BEAN1: variants seen among roughly 807,000 people sequenced by gnomAD.
BEAN1 encodes protein BEAN1.
A neutral mutation model predicts 17.7 loss-of-function variants in BEAN1; 17 were observed. The ratio of observed to expected loss-of-function variants is 0.96; its 90% CI spans 0.66 to 1.44. The LOEUF is 1.44. Ranked by LOEUF, BEAN1 falls within the 40% of genes most tolerant of loss-of-function variation. The probability of loss-of-function intolerance (pLI) is 0.00; values close to 1 mark genes in which losing one functional copy is unlikely to be tolerated. For missense variants in BEAN1, 359 were observed against 374.1 expected, an observed-to-expected ratio of 0.96 and a Z score of 0.33; for synonymous variants, 142 against 151.8, an observed-to-expected ratio of 0.94 and a Z score of 0.47.
At chr16:66,454,913 G>C (rs1015543660) in intron 2 of BEAN1, among the ~76,000 whole-genome samples, 1 of 152,012 alleles carries the variant, frequency 6.6e-6, no homozygotes, top group Non-Finnish European at 1.5e-5. Flanking sequence ...GAGCTGGTGG[G>C]GAGGGGTATG....
rs774079713 is a variant in BEAN1, at chr16:66,490,218, T to TAA, written c.148-2716_148-2715dup. On this transcript the variant is annotated intron_variant, in intron 4 of 4. Coordinates refer to the BEAN1 transcript ENST00000561796. The stretch of plus-strand genomic sequence containing the variant: ...CAACATGGTGAAATCCCATCTCTAC[T>TAA]AAAAAAAAAAAAAAAAAAAAAAAAA... Among the ~76,000 whole-genome samples the TAA allele has an allele frequency of 3.4e-3, 149 of 43,626 alleles. 4 individuals are homozygous for TAA. Among genetic ancestry groups the TAA allele is most frequent in the East Asian group, 0.016 (23 of 1,474 alleles). The allele number at this position is 43,626 out of a possible 152,430, so 28.6% of individuals were successfully genotyped here.
chr16:66,437,553 CG>C, intron 1 of BEAN1, 41 bp from the exon 2 acceptor site: 1 of 1,179,510 alleles, frequency 8.5e-7, no homozygotes, highest in Non-Finnish European at 1.2e-6. Context: ...GCTGTGGGTG[CG>C]CCATGGGCCC....
chr16:66,437,284 T>C (rs2079312105), intron 1 of BEAN1, among the ~76,000 whole-genome samples: 1 of 151,824 alleles, frequency 6.6e-6, no homozygotes, highest in African/African-American at 2.4e-5. Context: ...CAGTGGGATC[T>C]CACATTTTCA....
At chr16:66,478,418 C>T (rs1348304808) in intron 4 of BEAN1, among the ~76,000 whole-genome samples, 8 of 151,458 alleles carry the variant, frequency 5.3e-5, no homozygotes, top group Non-Finnish European at 2.9e-5. Flanking sequence ...CTGGCTAACA[C>T]GGTGAAACCC....
chr16:66,428,757 A>T (rs1005605481), intron 1 of BEAN1, among the ~76,000 whole-genome samples: 4 of 152,184 alleles, frequency 2.6e-5, no homozygotes, highest in Non-Finnish European at 4.4e-5. Flanking sequence ...CAGCACCAGT[A>T]GATGCTGAGA....
At position 66,491,202 on chromosome 16, in the gene BEAN1, G is replaced by C. The variant is rs372670712; in HGVS notation, c.148-1760G>C. ...GGGCCAGGTGGCTCCTGGGCAGGAG[G>C]GCCCCTCCATGGCTCTGTCTGCCAG... On this transcript the variant is annotated intron_variant, in intron 4 of 4. Transcript: ENST00000561796. Among the ~76,000 whole-genome samples, 137 of 152,314 alleles carry C rather than the reference G, an allele frequency of 9.0e-4. 1 individual carries two copies. The highest frequency in any genetic ancestry group is 4.1e-3 in the South Asian group (20 of 4,828).
chr16:66,489,822 G>A (rs1409112065), intron 4 of BEAN1, among the ~76,000 whole-genome samples: 1 of 152,068 alleles, frequency 6.6e-6, no homozygotes, highest in Non-Finnish European at 1.5e-5. Context: ...GAACTATCAC[G>A]GTGCTACTCC....
intron 1 of BEAN1, among the ~76,000 whole-genome samples, chr16:66,433,432 G>T (rs1961884518): frequency 6.6e-6 from 1 of 152,100 alleles, no homozygotes. Flanking sequence ...ATAAACACTT[G>T]AACCAGTGAT....
At chr16:66,484,590 G>A, downstream of BEAN1, 1 of 454,170 alleles carries the variant, frequency 2.2e-6, no homozygotes, top group Non-Finnish European at 4.4e-6. This position sits in a 1 kb window ranked among gnomAD's most constrained non-coding sequence, Gnocchi z 4.2. Flanking sequence ...ACAGGACGAT[G>A]GAGACAGGGG....
intron 1 of BEAN1, chr16:66,428,314 G>T (rs770171885): frequency 1.3e-5 from 2 of 152,562 alleles, no homozygotes; most frequent in African/African-American, 4.8e-5. Context: ...CGGGGCGCAG[G>T]CTGGGAAAGG....
downstream of BEAN1, chr16:66,484,892 C>A: frequency 2.2e-6 from 1 of 454,134 alleles, no homozygotes; most frequent in South Asian, 1.6e-5. The surrounding 1 kb of genome is among the most constrained non-coding windows in gnomAD (Gnocchi z 4.2). Context: ...AATGTTCATT[C>A]CTGCCCCTTG....
chr16:66,484,906 A>G, downstream of BEAN1: 1 of 454,082 alleles, frequency 2.2e-6, no homozygotes, highest in South Asian at 1.6e-5. This position sits in a 1 kb window ranked among gnomAD's most constrained non-coding sequence, Gnocchi z 4.2. Flanking sequence ...CCCCTTGTGG[A>G]GGCCAAATGG....
At chr16:66,462,092 A>T (rs547699452) in intron 2 of BEAN1, among the ~76,000 whole-genome samples, 1 of 152,344 alleles carries the variant, frequency 6.6e-6, no homozygotes, top group East Asian at 1.9e-4. Context: ...AATGTCTGCC[A>T]TTGGCATAGA....
chr16:66,469,822 T>C lies in BEAN1; in HGVS notation c.246T>C (p.His82=), dbSNP rs201618286. The C allele has an allele frequency of 6.5e-7, 1 of 1,530,250 alleles. No individual in the cohort carries two copies. The highest frequency in any genetic ancestry group is 8.7e-7 in the Non-Finnish European group (1 of 1,143,528). 94.8% of individuals were successfully genotyped at this position (1,530,250 alleles called of 1,614,324 possible). ...HRHHRHHHHH[H]HHRRRRHREY... ...ACCACCGCCACCACCACCACCATCA[T>C]CACCACCGCCGGCGTCGACACCGAG... is the stretch of plus-strand genomic sequence containing the variant. Residue 82 remains histidine, a synonymous_variant, in exon 3 of 5, where the codon CAT becomes CAC. Transcript: ENST00000536005.
At chr16:66,462,441 A>T (rs1362126536) in intron 2 of BEAN1, among the ~76,000 whole-genome samples, 1 of 152,226 alleles carries the variant, frequency 6.6e-6, no homozygotes, top group African/African-American at 2.4e-5. Context: ...GTCACCCAAC[A>T]AATATTTAAT....
rs192445317 is a variant in BEAN1 at position 66,481,864 on chromosome 16, C to A, written c.*939C>A. 1.3e-5 allele frequency: 2 copies of A among 152,482 alleles called. No homozygotes were observed. The highest frequency in any genetic ancestry group is 4.8e-5 in the African/African-American group (2 of 41,462). The allele number at this position is 152,482 out of a possible 1,614,324, so 9.4% of individuals were successfully genotyped here. A position where few individuals can be genotyped will look rare whatever the true frequency, so the allele number is the denominator to read the frequency against. On this transcript the variant is annotated 3_prime_UTR_variant, in exon 5 of 5. Coordinates refer to ENST00000536005, the MANE Select transcript of BEAN1 (RefSeq NM_001178020.3). This position sits in a 1 kb window ranked among gnomAD's most constrained non-coding sequence, Gnocchi z 4.1. ...GCCTGGCCGACCACTGTGGCCTGCA[C>A]GCGAATGGGTCAGAGCCAGACCCCG...
intron 2 of BEAN1, among the ~76,000 whole-genome samples, chr16:66,440,636 C>T (rs879713238): frequency 1.3e-5 from 2 of 152,380 alleles, no homozygotes; most frequent in Admixed American, 6.5e-5. Flanking sequence ...CCGCCCTTCT[C>T]GCTGTGCATG....
intron 2 of BEAN1, among the ~76,000 whole-genome samples, chr16:66,468,995 G>T (rs1290614870): frequency 2.0e-5 from 3 of 152,044 alleles, no homozygotes; most frequent in Non-Finnish European, 4.4e-5. Flanking sequence ...TGTCCCTCCT[G>T]GAATGCCTCT....
intron 2 of BEAN1, among the ~76,000 whole-genome samples, chr16:66,461,349 T>G (rs1452327198): frequency 6.6e-6 from 1 of 152,200 alleles, no homozygotes; most frequent in Non-Finnish European, 1.5e-5. Flanking sequence ...ATTAATTTCC[T>G]AGCTGTCCAA....
Sources: allele counts gnomAD v4.1 joint callset (sites outside exome capture counted in the v4.1 genomes callset), GRCh38; gene constraint gnomAD v4.1.1; non-coding constraint Gnocchi (gnomAD v3.1); transcripts MANE v1.5; gene names NCBI Gene and HGNC (gene_info 2026-07-23, HGNC 2026-07-21).